The following COBL variants were observed in gnomAD, a reference collection of about 807,000 sequenced individuals.
COBL encodes the protein cordon-bleu WH2 repeat protein.
COBL carries 51 observed loss-of-function variants against 98.8 expected under a neutral mutation model. The observed-to-expected ratio is 0.52, with a 90% CI of 0.41 to 0.65. The LOEUF is 0.65. Among genes scored for constraint, COBL ranks in the 30% least tolerant of loss-of-function variants. The pLI is 0.00. For missense variants in COBL, 1,617 were observed against 1,617.5 expected (o/e 1.00, Z 0.01); for synonymous variants, 634 against 651.7 (o/e 0.97, Z 0.41).
At chr7:51,027,539 A>G (rs1787692903) in intron 10 of COBL, among the ~76,000 whole-genome samples, 173 bp downstream of exon 10, 1 of 152,172 alleles carries the variant, frequency 6.6e-6, no homozygotes, top group South Asian at 2.1e-4. Context: ...GTTCAGTACA[A>G]ATATCTGGAG....
At chr7:51,097,202 G>C (rs1004826654) in intron 6 of COBL, among the ~76,000 whole-genome samples, 1 of 152,086 alleles carries the variant, frequency 6.6e-6, no homozygotes, top group Non-Finnish European at 1.5e-5. Context: ...ATCAATCAAT[G>C]TAATATGCCA....
intron 1 of COBL, among the ~76,000 whole-genome samples, chr7:51,261,048 T>C (rs1391963374): frequency 1.3e-5 from 2 of 152,208 alleles, no homozygotes; most frequent in Non-Finnish European, 2.9e-5. Flanking sequence ...GCCCCACTAC[T>C]CCTGCCACAC....
intron 1 of COBL, among the ~76,000 whole-genome samples, chr7:51,227,601 T>C (rs1034876643): frequency 2.6e-5 from 4 of 152,154 alleles, no homozygotes; most frequent in African/African-American, 9.7e-5. Context: ...TCCTTAGACT[T>C]GTGCAGAGAC....
chr7:51,224,366 A>G (rs1793974410), intron 1 of COBL, among the ~76,000 whole-genome samples: 1 of 47,302 alleles, frequency 2.1e-5, no homozygotes, highest in African/African-American at 9.0e-5. Flanking sequence ...ATAGGAATGA[A>G]AAAGAGATTG....
intron 5 of COBL, among the ~76,000 whole-genome samples, chr7:51,182,998 G>C (rs1484508742): frequency 6.6e-6 from 1 of 151,106 alleles, no homozygotes; most frequent in Non-Finnish European, 1.5e-5. Flanking sequence ...GGGACGTGCT[G>C]GCTCTGCACG....
chr7:51,065,865 C>G (rs1791871136), intron 7 of COBL, among the ~76,000 whole-genome samples: 1 of 152,224 alleles, frequency 6.6e-6, no homozygotes, highest in African/African-American at 2.4e-5. Context: ...TCCAACAGGA[C>G]TGGTGTCCTT....
Position 51,026,624 on chromosome 7 carries a change from G to A in COBL, c.3426C>T (p.Ser1142=), listed in dbSNP as rs756315732. The change falls in exon 11 of 13, where the codon TCC becomes TCT. Residue 1142 remains serine (S), a synonymous_variant. Transcript: ENST00000265136. ...HTGEGRPAKL[S]YTEAEGERSA... ...ATCGTTCGCCCTCTGCCTCCGTGTA[G>A]GACAGTTTCGCTGGCCTGCCCTCCC... 6.2e-7 allele frequency: 1 copy of A among 1,614,128 alleles called. No homozygotes were observed.
chr7:51,195,413 T>C (rs754316786), intron 2 of COBL, among the ~76,000 whole-genome samples: 43 of 152,344 alleles, frequency 2.8e-4, no homozygotes, highest in Admixed American at 7.2e-4. Flanking sequence ...GTTTGGTTAC[T>C]GTAGCCCTAT....
At chr7:51,018,902 A>AT (rs1313315512) in intron 12 of COBL, among the ~76,000 whole-genome samples, 2 of 52,638 alleles carry the variant, frequency 3.8e-5, no homozygotes, top group Non-Finnish European at 7.3e-5. Flanking sequence ...AAAAAAAAAA[A>AT]AAAATATATA....
intron 2 of COBL, among the ~76,000 whole-genome samples, chr7:51,202,437 T>C (rs1379093619): frequency 6.6e-6 from 1 of 152,216 alleles, no homozygotes; most frequent in East Asian, 1.9e-4. Flanking sequence ...ATATCCAATT[T>C]ATAATTAAAT....
Position 51,029,303 on chromosome 7 carries a change from G to C in COBL, c.1793C>G (p.Pro598Arg). ...QPHEKAREEV[P>R]ALHPASHDVG... ...GTCATGGGAAGCGGGGTGCAGGGCA[G>C]GTACTTCCTCCCTTGCCTTTTCATG... The change falls in exon 10 of 13, where the codon CCT becomes CGT. Residue 598 changes from proline to arginine, a missense_variant. By Grantham distance (103) the Pro-to-Arg change is moderately radical (BLOSUM62 -2). Transcript: ENST00000265136. 6.2e-7 allele frequency: 1 copy of C among 1,602,576 alleles called. No homozygotes were observed. Among genetic ancestry groups the C allele is most frequent in the East Asian group, 2.2e-5 (1 of 44,810 alleles).
chr7:51,019,482 C>T (rs1205054332), intron 12 of COBL, among the ~76,000 whole-genome samples: 1 of 152,152 alleles, frequency 6.6e-6, no homozygotes, highest in Non-Finnish European at 1.5e-5. Context: ...CTGAGGGAGG[C>T]TTTCTGAAGA....
At chr7:51,079,114 G>T (rs1175486458) in intron 7 of COBL, among the ~76,000 whole-genome samples, 1 of 152,196 alleles carries the variant, frequency 6.6e-6, no homozygotes, top group Admixed American at 6.5e-5. Flanking sequence ...CACAGGAGGT[G>T]GGGATCACTG....
chr7:51,218,616 G>A (rs1322135158), intron 2 of COBL, among the ~76,000 whole-genome samples: 1 of 152,160 alleles, frequency 6.6e-6, no homozygotes, highest in Admixed American at 6.5e-5. Flanking sequence ...TGGGACTACA[G>A]GCATGCACCT....
intron 1 of COBL, among the ~76,000 whole-genome samples, chr7:51,254,104 TTTA>T (rs1305605632): frequency 2.0e-5 from 3 of 152,062 alleles, no homozygotes; most frequent in African/African-American, 7.2e-5. Flanking sequence ...CAAATATGTG[TTTA>T]TTCTTATTTT....
At chr7:51,203,149 AG>A (rs998598178) in intron 2 of COBL, among the ~76,000 whole-genome samples, 1 of 152,084 alleles carries the variant, frequency 6.6e-6, no homozygotes, top group African/African-American at 2.4e-5. Flanking sequence ...AGTTAGCATA[AG>A]GAAGTTAATA....
intron 2 of COBL, among the ~76,000 whole-genome samples, chr7:51,203,937 C>T (rs1791407843): frequency 6.6e-6 from 1 of 152,138 alleles, no homozygotes. Flanking sequence ...ATATTATAGG[C>T]TAATATCCCT....
intron 1 of COBL, among the ~76,000 whole-genome samples, chr7:51,272,057 GAAAC>G (rs1798808934): frequency 6.6e-6 from 1 of 152,082 alleles, no homozygotes; most frequent in African/African-American, 2.4e-5. Context: ...CAAACAAACT[GAAAC>G]AATGAATTCT....
chr7:51,206,779 A>ATGT (rs1247096566), intron 2 of COBL, among the ~76,000 whole-genome samples: 1 of 152,232 alleles, frequency 6.6e-6, no homozygotes, highest in African/African-American at 2.4e-5. Context: ...CAGAAAGACA[A>ATGT]ACACACCACC....
Sources: allele counts gnomAD v4.1 joint callset (sites outside exome capture counted in the v4.1 genomes callset), GRCh38; gene constraint gnomAD v4.1.1; transcripts MANE v1.5; gene names NCBI Gene and HGNC (gene_info 2026-07-23, HGNC 2026-07-21).